Variants in GALNT13 observed in about 807,000 individuals in gnomAD.
The protein encoded by GALNT13 is UDP-GalNAc:polypeptide N-acetylgalactosaminyltransferase 13.
GALNT13 carries 28 observed loss-of-function variants against 64.2 expected under a neutral mutation model. The ratio of observed to expected loss-of-function variants is 0.44; its 90% CI spans 0.32 to 0.60. The LOEUF (loss-of-function observed/expected upper bound fraction) is 0.60, where lower values mean the gene tolerates loss of function less well. Among genes scored for constraint, GALNT13 ranks in the 20% least tolerant of loss-of-function variants. The pLI, the probability that GALNT13 is intolerant of heterozygous loss-of-function variation, is 0.05. For missense variants in GALNT13, 577 were observed against 669.8 expected (o/e 0.86, Z 1.53); for synonymous variants, 214 against 224.6 (o/e 0.95, Z 0.42).
chr2:153,419,826 A>G, the GALNT13 span, among the ~76,000 whole-genome samples: 1 of 152,332 alleles, frequency 6.6e-6, no homozygotes, highest in African/African-American at 2.4e-5. Flanking sequence ...ATATACAATT[A>G]TCTCAAAAAG....
chr2:153,487,497 C>T, the GALNT13 span, among the ~76,000 whole-genome samples: 1 of 152,186 alleles, frequency 6.6e-6, no homozygotes, highest in Non-Finnish European at 1.5e-5. Flanking sequence ...ATGTGTATAA[C>T]ATTCTCTAGG....
At chr2:153,262,509 A>G in the GALNT13 span, among the ~76,000 whole-genome samples, 1 of 152,216 alleles carries the variant, frequency 6.6e-6, no homozygotes, top group Admixed American at 6.5e-5. Context: ...GGAAAACTTT[A>G]GGCCAGTATC....
chr2:153,731,878 GTGT>G, the GALNT13 span, among the ~76,000 whole-genome samples: 3 of 151,842 alleles, frequency 2.0e-5, no homozygotes, highest in Non-Finnish European at 2.9e-5. Flanking sequence ...CAAGTGTTTT[GTGT>G]TGTTTTGTTT....
chr2:153,115,510 G>C, the GALNT13 span, among the ~76,000 whole-genome samples: 1 of 152,130 alleles, frequency 6.6e-6, no homozygotes, highest in Non-Finnish European at 1.5e-5. Flanking sequence ...ATCAAAATAA[G>C]ATGTATGTGA....
intron 11 of GALNT13, among the ~76,000 whole-genome samples, chr2:154,417,282 CAAAA>C (rs35825821): frequency 4.9e-4 from 37 of 75,134 alleles, no homozygotes; most frequent in Non-Finnish European, 7.6e-5. Context: ...AAACAAGCAC[CAAAA>C]AAAAAAAAAA....
At chr2:154,225,554 G>C (rs1382735339) in intron 4 of GALNT13, among the ~76,000 whole-genome samples, 2 of 152,036 alleles carry the variant, frequency 1.3e-5, no homozygotes, top group African/African-American at 4.8e-5. Flanking sequence ...CAAGATATAT[G>C]TTAAAGGAAA....
chr2:153,461,084 T>C, the GALNT13 span, among the ~76,000 whole-genome samples: 4 of 152,154 alleles, frequency 2.6e-5, no homozygotes, highest in Admixed American at 1.3e-4. Context: ...TTAATGTTTT[T>C]GATTTATCAA....
chr2:153,306,915 T>C, the GALNT13 span, among the ~76,000 whole-genome samples: 1 of 152,306 alleles, frequency 6.6e-6, no homozygotes, highest in African/African-American at 2.4e-5. Context: ...TTTTTCCTTT[T>C]GGTAGAATTG....
chr2:154,191,827 A>T (rs1253995629), intron 4 of GALNT13, among the ~76,000 whole-genome samples: 2 of 152,092 alleles, frequency 1.3e-5, no homozygotes, highest in Non-Finnish European at 2.9e-5. Flanking sequence ...GGCGTGTGTT[A>T]CCATGTGCCC....
At chr2:153,758,824 T>C in the GALNT13 span, among the ~76,000 whole-genome samples, 1 of 152,166 alleles carries the variant, frequency 6.6e-6, no homozygotes, top group South Asian at 2.1e-4. Context: ...ACTCCTGTGC[T>C]CAAGTGATCC....
chr2:153,613,284 C>A, the GALNT13 span, among the ~76,000 whole-genome samples: 3 of 152,088 alleles, frequency 2.0e-5, no homozygotes, highest in South Asian at 2.1e-4. Context: ...GAGAAGATTG[C>A]GAATTTGGCC....
At chr2:153,150,145 G>A in the GALNT13 span, among the ~76,000 whole-genome samples, 5 of 151,848 alleles carry the variant, frequency 3.3e-5, no homozygotes, top group Non-Finnish European at 7.4e-5. Context: ...AACTTGAAAG[G>A]AAAGTCCTGA....
intron 4 of GALNT13, among the ~76,000 whole-genome samples, chr2:154,226,637 A>G (rs548900355): frequency 9.3e-4 from 142 of 152,256 alleles, no homozygotes; most frequent in South Asian, 4.3e-3. Context: ...AATATTTTTT[A>G]AATTTTATTT....
At chr2:154,024,425 G>T (rs112300656) in intron 3 of GALNT13, among the ~76,000 whole-genome samples, 1 of 151,652 alleles carries the variant, frequency 6.6e-6, no homozygotes, top group Non-Finnish European at 1.5e-5. Context: ...TTCCCTTCTC[G>T]CTTCATTTCA....
the GALNT13 span, among the ~76,000 whole-genome samples, chr2:153,732,082 G>A: frequency 6.6e-6 from 1 of 151,920 alleles, no homozygotes; most frequent in African/African-American, 2.4e-5. Flanking sequence ...GACATACAAT[G>A]AGTAGCAGAT....
At chr2:154,131,720 T>C (rs1682629008) in intron 3 of GALNT13, among the ~76,000 whole-genome samples, 1 of 152,206 alleles carries the variant, frequency 6.6e-6, no homozygotes, top group South Asian at 2.1e-4. Context: ...TAGATGCATA[T>C]ATAAAAAGGG....
chr2:153,623,509 G>A, the GALNT13 span, among the ~76,000 whole-genome samples: 1 of 151,998 alleles, frequency 6.6e-6, no homozygotes, highest in Non-Finnish European at 1.5e-5. Context: ...TACAAAAGAA[G>A]AAACTGCCTT....
At chr2:153,438,581 T>C in the GALNT13 span, among the ~76,000 whole-genome samples, 2 of 152,222 alleles carry the variant, frequency 1.3e-5, no homozygotes, top group Non-Finnish European at 2.9e-5. Context: ...TCATTTCTTC[T>C]TCCATCGCTG....
chr2:154,256,264 G>T (rs1446403675), intron 7 of GALNT13, among the ~76,000 whole-genome samples: 1 of 149,770 alleles, frequency 6.7e-6, no homozygotes, highest in Admixed American at 6.6e-5. Flanking sequence ...AAAAAAAAAA[G>T]CGAGAGAGAT....
Sources: allele counts gnomAD v4.1 joint callset (sites outside exome capture counted in the v4.1 genomes callset), GRCh38; gene constraint gnomAD v4.1.1; transcripts MANE v1.5; gene names NCBI Gene and HGNC (gene_info 2026-07-23, HGNC 2026-07-21).